Variants in SNX12 observed in about 807,000 individuals in gnomAD.
The protein encoded by SNX12 is sorting nexin-12.
For synonymous variants in SNX12, 47 were observed against 56.0 expected, an observed-to-expected ratio of 0.84 and a Z score of 0.71; for missense variants, 62 against 141.3, an observed-to-expected ratio of 0.44 and a Z score of 2.84.
chrX:71,070,998 C>T (rs781647888), upstream of SNX12, among the ~76,000 whole-genome samples: 21 of 110,843 alleles, frequency 1.9e-4, no homozygotes, highest in Admixed American at 1.4e-3. Flanking sequence ...AATAATTTAT[C>T]CTCAGAAAAT....
At chrX:71,067,741 T>C (rs1463624268) in intron 1 of SNX12, among the ~76,000 whole-genome samples, 2 of 111,486 alleles carry the variant, frequency 1.8e-5, no homozygotes, top group African/African-American at 3.3e-5. Context: ...TCTCACAACC[T>C]AGTTTAGTTA....
In SNX12 at chrX:71,061,564, C is replaced by T. The variant is rs755632700; in HGVS notation, c.386+279G>A. On this transcript the variant is annotated intron_variant, in intron 3 of 3. Transcript: ENST00000374274. ...TCTGGCCAACATGGTGAAACCCCAT[C>T]GCTACTAAAAACATGAAAATTAGCT... is the stretch of plus-strand genomic sequence containing the variant. Among the ~76,000 whole-genome samples, 6 of 111,304 alleles carry T rather than the reference C, an allele frequency of 5.4e-5. No homozygotes were observed. The South Asian group carries it at 1.9e-3, about 35-fold the overall frequency.
In SNX12 at chrX:71,068,280, G is replaced by T. The variant is rs1261429672; in HGVS notation, c.27C>A (p.Thr9=). 2.5e-6 allele frequency: 3 copies of T among 1,203,681 alleles called. No homozygotes were observed. The Admixed American group carries it at 6.6e-5, about 27-fold the overall frequency. ...CCTGCGGCTTCGAGTTAAGGCGCCG[G>T]GTATCAGCTACTGCCGTGTCCGACA... is the stretch of plus-strand genomic sequence containing the variant. The part of the protein sequence containing the change: MSDTAVAD[T]RRLNSKPQDL... The change falls in exon 1 of 4, where the codon ACC becomes ACA. Residue 9 remains threonine (T), a synonymous_variant. Transcript: ENST00000374274.
In SNX12 at chrX:71,068,293, G is replaced by A. The variant is rs747787181; in HGVS notation, c.14C>T (p.Ala5Val). Reference protein sequence around the residue: MSDTAVADTRRLNSK... With the variant: MSDTVVADTRRLNSK... The stretch of plus-strand genomic sequence containing the variant: ...GTTAAGGCGCCGGGTATCAGCTACT[G>A]CCGTGTCCGACATCTTTCCGAAGGA... Residue 5 changes from alanine (A) to valine (V), a missense_variant, in exon 1 of 4, where the codon GCA becomes GTA. Ala to Val is a moderately conservative substitution (Grantham distance 64). Transcript: ENST00000374274. 4.2e-6 allele frequency: 5 copies of A among 1,201,312 alleles called. No individual in the cohort carries two copies. The highest frequency in any genetic ancestry group is 4.5e-5 in the Admixed American group (2 of 44,898).
chrX:71,071,473 A>G (rs1602274470), upstream of SNX12, among the ~76,000 whole-genome samples: 1 of 74,763 alleles, frequency 1.3e-5, no homozygotes, highest in South Asian at 5.6e-4. Flanking sequence ...TTATATAATT[A>G]TTATAGTTTA....
chrX:71,072,927 A>C (rs1009130863), upstream of SNX12, among the ~76,000 whole-genome samples: 5 of 109,790 alleles, frequency 4.6e-5, no homozygotes, highest in African/African-American at 1.3e-4. Flanking sequence ...ACACACACAC[A>C]CACACACAGA....
chrX:71,070,852 A>G (rs747054892), upstream of SNX12, among the ~76,000 whole-genome samples: 17 of 111,276 alleles, frequency 1.5e-4, no homozygotes, highest in African/African-American at 5.5e-4. Context: ...TTGTCTCTGG[A>G]GAGCAGAACT....
chrX:71,071,693 A>G, upstream of SNX12, among the ~76,000 whole-genome samples: 1 of 70,769 alleles, frequency 1.4e-5, no homozygotes, highest in South Asian at 5.5e-4. Flanking sequence ...ATTTATATAT[A>G]AATATATAAT....
intron 1 of SNX12, among the ~76,000 whole-genome samples, chrX:71,063,550 G>A (rs989701933): frequency 9.2e-6 from 1 of 109,189 alleles, no homozygotes; most frequent in Non-Finnish European, 1.9e-5. Context: ...AATAATAAAT[G>A]TCTATGAATA....
chrX:71,063,699 G>T (rs1244784251), intron 1 of SNX12, among the ~76,000 whole-genome samples: 3 of 110,133 alleles, frequency 2.7e-5, no homozygotes, highest in Non-Finnish European at 3.8e-5. Flanking sequence ...GATCACCTGA[G>T]CCCAGGAGTT....
rs2092162005 is a variant in SNX12, at chrX:71,068,233, G to A, written c.74C>T (p.Pro25Leu). 2 of 1,208,443 alleles carry A rather than the reference G, an allele frequency of 1.7e-6. No individual in the cohort carries two copies. The highest frequency in any genetic ancestry group is 3.0e-5 in the East Asian group (1 of 33,696). Reference sequence around the variant, plus strand: ...GTCGATCTCCAGGAAGTTACTTGGCGGCCCGTAAGCGTCGGTCAGGTCCTG... The same window carrying A: ...GTCGATCTCCAGGAAGTTACTTGGCAGCCCGTAAGCGTCGGTCAGGTCCTG... Reference protein sequence around the residue: ...KPQDLTDAYGPPSNFLEIDIF... With the variant: ...KPQDLTDAYGLPSNFLEIDIF... Residue 25 changes from proline to leucine, a missense_variant, in exon 1 of 4, where the codon CCG (proline) becomes CTG (leucine). Transcript: ENST00000374274.
intron 1 of SNX12, among the ~76,000 whole-genome samples, chrX:71,065,341 G>C (rs1379566374): frequency 7.6e-5 from 6 of 78,432 alleles, no homozygotes; most frequent in African/African-American, 3.2e-4. Context: ...CTGGGTGACA[G>C]AGCAAGACTT....
upstream of SNX12, among the ~76,000 whole-genome samples, chrX:71,071,032 C>T (rs1484527771): frequency 9.0e-6 from 1 of 110,612 alleles, no homozygotes; most frequent in African/African-American, 3.3e-5. Context: ...CATAAAGATA[C>T]CAGTGTAAGG....
chrX:71,065,357 CAAA>C (rs34405331), intron 1 of SNX12, among the ~76,000 whole-genome samples: 1 of 56,112 alleles, frequency 1.8e-5, no homozygotes. Flanking sequence ...GACTTTGTCT[CAAA>C]AAAAAAAAAA....
intron 1 of SNX12, among the ~76,000 whole-genome samples, chrX:71,066,976 A>G (rs963760084): frequency 6.2e-5 from 7 of 112,437 alleles, no homozygotes; most frequent in South Asian, 3.6e-4. Flanking sequence ...TTCTCATTCA[A>G]TTCACTCCTT....
At chrX:71,069,181 C>T (rs184907135), upstream of SNX12, among the ~76,000 whole-genome samples, 12 of 112,005 alleles carry the variant, frequency 1.1e-4, no homozygotes, top group Admixed American at 6.6e-4. Context: ...TTTACATATG[C>T]TCCACATTAA....
upstream of SNX12, among the ~76,000 whole-genome samples, chrX:71,071,095 C>A (rs182218353): frequency 9.1e-6 from 1 of 109,322 alleles, no homozygotes; most frequent in East Asian, 2.8e-4. Context: ...TTTGTGTAGT[C>A]TTTTTTTCTA....
chrX:71,070,018 C>T (rs1210055376), upstream of SNX12, among the ~76,000 whole-genome samples: 2 of 111,427 alleles, frequency 1.8e-5, no homozygotes, highest in Non-Finnish European at 3.8e-5. Flanking sequence ...AAAGTCCTTG[C>T]GATAAGAAAC....
chrX:71,062,981 T>C, intron 1 of SNX12, 32 bp from the exon 2 acceptor site: 1 of 1,012,782 alleles, frequency 9.9e-7, no homozygotes, highest in Non-Finnish European at 1.4e-6. Context: ...AGAAGAAAGA[T>C]GGTAATGTTC....
Sources: allele counts gnomAD v4.1 joint callset (sites outside exome capture counted in the v4.1 genomes callset), GRCh38; gene constraint gnomAD v4.1.1; transcripts MANE v1.5; gene names NCBI Gene and HGNC (gene_info 2026-07-23, HGNC 2026-07-21).